The following TMEM222 variants were observed in gnomAD, a reference collection of about 807,000 sequenced individuals.
TMEM222 encodes the protein chromosome 1 open reading frame 160.
TMEM222 carries 18 observed loss-of-function variants against 25.1 expected under a neutral mutation model. The observed-to-expected ratio is 0.72, with a 90% CI of 0.50 to 1.06. The LOEUF is 1.06. Ranked by LOEUF, TMEM222 falls within the 50% of genes least tolerant of loss-of-function variation. TMEM222 has a pLI of 0.00. For synonymous variants in TMEM222, 131 were observed against 117.9 expected (o/e 1.11, Z -0.72); for missense variants, 296 against 293.7 (o/e 1.01, Z -0.06).
chr1:27,329,628 T>A (rs1205598937), intron 1 of TMEM222, among the ~76,000 whole-genome samples: 3 of 152,240 alleles, frequency 2.0e-5, no homozygotes, highest in Non-Finnish European at 4.4e-5. Flanking sequence ...ACATTTGGAT[T>A]CTTTCTAGTT....
intron 5 of TMEM222, chr1:27,334,856 A>G (rs2014567279): frequency 9.3e-7 from 1 of 1,070,032 alleles, no homozygotes. Context: ...TAAGTACTGC[A>G]TGGCTTTTAG....
intron 2 of TMEM222, chr1:27,331,214 T>C: frequency 9.6e-7 from 1 of 1,039,964 alleles, no homozygotes; most frequent in African/African-American, 1.7e-5. Flanking sequence ...GGGGTGGGGC[T>C]TTAGAATGAA....
rs1420684790 is a variant in TMEM222 at position 27,333,534 on chromosome 1, G to C, written c.312-424G>C. 11 of 452,754 alleles carry C rather than the reference G, an allele frequency of 2.4e-5. No individual in the cohort carries two copies. In the Admixed American group the frequency reaches 2.6e-4, roughly 11 times the overall value. 28.0% of individuals were successfully genotyped at this position (452,754 alleles called of 1,614,324 possible). A position where few individuals can be genotyped will look rare whatever the true frequency, so the allele number is the denominator to read the frequency against. ...GAGTCAGTGTCTGGTGAGGGCCTGA[G>C]GTGCCTTTCCACTGTGTCCCCACGT... On this transcript the variant is annotated intron_variant, in intron 3 of 5. Coordinates refer to ENST00000374076, the MANE Select transcript of TMEM222 (RefSeq NM_032125.3).
intron 3 of TMEM222, chr1:27,333,489 C>T (rs2014530527): frequency 2.2e-6 from 1 of 461,566 alleles, no homozygotes; most frequent in Admixed American, 2.3e-5. Flanking sequence ...ACTGGACAGT[C>T]CTGGGTGCGG....
chr1:27,332,408 G>A, intron 3 of TMEM222: 1 of 717,926 alleles, frequency 1.4e-6, no homozygotes, highest in South Asian at 1.5e-5. Context: ...ACAGGAAGTG[G>A]CAGAGCTGGG....
At chr1:27,325,782 C>A in intron 1 of TMEM222, 1 of 824,446 alleles carries the variant, frequency 1.2e-6, no homozygotes, top group Non-Finnish European at 2.2e-6. Context: ...TATCGTCCAC[C>A]GCAAATGCTT....
intron 5 of TMEM222, chr1:27,335,157 G>A (rs1468004641): frequency 2.6e-5 from 15 of 582,376 alleles, no homozygotes; most frequent in South Asian, 1.0e-4. Context: ...AAATCACCAG[G>A]AGCGCGGAGC....
intron 3 of TMEM222, 189 bp from the exon 4 acceptor site, chr1:27,333,769 C>A: frequency 1.7e-6 from 1 of 598,070 alleles, no homozygotes. Context: ...CCCCCAGGAT[C>A]CCCCATGGCA....
At chr1:27,325,444 A>G in intron 1 of TMEM222, 1 of 1,248,966 alleles carries the variant, frequency 8.0e-7, no homozygotes, top group Non-Finnish European at 1.2e-6. Context: ...CAGTGTCCGG[A>G]GGCGCTGTTC....
intron 5 of TMEM222, chr1:27,335,110 G>T: frequency 1.9e-6 from 1 of 539,306 alleles, no homozygotes; most frequent in Non-Finnish European, 3.3e-6. Context: ...TAGAAATGGG[G>T]AGCATGTTTC....
At chr1:27,328,809 G>A (rs2014412317) in intron 1 of TMEM222, among the ~76,000 whole-genome samples, 2 of 152,172 alleles carry the variant, frequency 1.3e-5, no homozygotes, top group African/African-American at 2.4e-5. Flanking sequence ...CCAGCCCCCT[G>A]TAACTGCTTT....
intron 2 of TMEM222, chr1:27,331,115 C>G (rs948127184): frequency 8.0e-7 from 1 of 1,244,572 alleles, no homozygotes; most frequent in African/African-American, 1.5e-5. Flanking sequence ...CATCCAGGAA[C>G]CACATCTCTG....
Position 27,322,277 on chromosome 1 carries a change from C to T in TMEM222, c.80C>T (p.Pro27Leu). 2 of 1,546,038 alleles carry T rather than the reference C, an allele frequency of 1.3e-6. No homozygotes were observed. The highest frequency in any genetic ancestry group is 1.7e-6 in the Non-Finnish European group (2 of 1,143,600). The change falls in exon 1 of 6, where the codon CCG becomes CTG. Residue 27 changes from proline to leucine, a missense_variant. By Grantham distance (98) the Pro-to-Leu change is moderately conservative. Coordinates refer to ENST00000374076, the MANE Select transcript of TMEM222 (RefSeq NM_032125.3). ...PPPRMAEVEA[P>L]TAAETDMKQY... The stretch of plus-strand genomic sequence containing the variant: ...CCCAGGATGGCGGAAGTGGAGGCGC[C>T]GACGGCGGCCGAGACGGACATGAAG...
Position 27,322,287 on chromosome 1 carries a change from C to A in TMEM222, c.90C>A (p.Ala30=). The change falls in exon 1 of 6, where the codon GCC becomes GCA. Residue 30 remains alanine (A), a synonymous_variant. Transcript: ENST00000374076. ...RMAEVEAPTA[A]ETDMKQYQGS... ...CGGAAGTGGAGGCGCCGACGGCGGC[C>A]GAGACGGACATGAAGCAATATCAAG... 6.4e-7 allele frequency: 1 copy of A among 1,556,404 alleles called. No homozygotes were observed. Among genetic ancestry groups the A allele is most frequent in the Non-Finnish European group, 8.7e-7 (1 of 1,149,126 alleles).
intron 5 of TMEM222, chr1:27,335,107 G>A (rs1226553621): frequency 5.6e-6 from 3 of 533,970 alleles, no homozygotes; most frequent in Non-Finnish European, 1.0e-5. Context: ...GCCTAGAAAT[G>A]GGGAGCATGT....
intron 2 of TMEM222, chr1:27,331,197 A>G (rs901473029): frequency 3.0e-5 from 33 of 1,082,486 alleles, no homozygotes; most frequent in Non-Finnish European, 3.7e-5. Flanking sequence ...GTGGCCATGG[A>G]GAAGAGGGGG....
Position 27,322,264 on chromosome 1 carries a change from G to A in TMEM222, c.67G>A (p.Glu23Lys). The stretch of plus-strand genomic sequence containing the variant: ...GCCGCCACCCCCGCCCAGGATGGCG[G>A]AAGTGGAGGCGCCGACGGCGGCCGA... The part of the protein sequence containing the change: ...PPPPPPPRMA[E>K]VEAPTAAETD... The change falls in exon 1 of 6, where the codon GAA becomes AAA. Residue 23 changes from glutamate to lysine, a missense_variant. Physicochemically the swap from Glu to Lys is moderately conservative, Grantham distance 56. Transcript: ENST00000374076. The A allele has an allele frequency of 1.9e-6, 3 of 1,543,824 alleles. No homozygotes were observed. Among genetic ancestry groups the A allele is most frequent in the South Asian group, 1.2e-5 (1 of 83,316 alleles).
chr1:27,334,173 G>A lies in TMEM222; in HGVS notation c.431G>A (p.Cys144Tyr). ...HRMHNLCCDN[C>Y]HSHVALALNL... ...CAGCACAATCTCTGCTGTGACAACT[G>A]CCACTCGCACGTGGCATTGGCCCTG... Residue 144 changes from cysteine to tyrosine, a missense_variant, in exon 5 of 6, where the codon TGC (cysteine) becomes TAC (tyrosine). Transcript: ENST00000374076. 6.2e-7 allele frequency: 1 copy of A among 1,614,184 alleles called. No homozygotes were observed. The highest frequency in any genetic ancestry group is 8.5e-7 in the Non-Finnish European group (1 of 1,180,044).
In TMEM222 at chr1:27,328,152, G is replaced by A. The variant is rs183487592; in HGVS notation, c.195-2568G>A. Among the ~76,000 whole-genome samples, 10 of 152,258 alleles carry A rather than the reference G, an allele frequency of 6.6e-5. No homozygotes were observed. In the East Asian group the frequency reaches 1.7e-3, roughly 26 times the overall value. On this transcript the variant is annotated intron_variant, in intron 1 of 5. Transcript: ENST00000374076. Reference sequence around the variant, plus strand: ...TTGGGTGGCTGTGCTGGAAGACACCGTTCAGGCAAGACCTCCGAAGGTGAC... The same window carrying A: ...TTGGGTGGCTGTGCTGGAAGACACCATTCAGGCAAGACCTCCGAAGGTGAC...
Sources: allele counts gnomAD v4.1 joint callset (sites outside exome capture counted in the v4.1 genomes callset), GRCh38; gene constraint gnomAD v4.1.1; transcripts MANE v1.5; gene names NCBI Gene and HGNC (gene_info 2026-07-23, HGNC 2026-07-21).